ADGRV1: variants seen among roughly 807,000 people sequenced by gnomAD.
ADGRV1 encodes the protein adhesion G protein-coupled receptor V1.
A neutral mutation model predicts 596.2 loss-of-function variants in ADGRV1; 359 were observed. The observed-to-expected ratio is 0.60, with a 90% CI of 0.55 to 0.66. The LOEUF (loss-of-function observed/expected upper bound fraction) is 0.66, where lower values mean the gene tolerates loss of function less well. Among genes scored for constraint, ADGRV1 ranks in the 30% least tolerant of loss-of-function variants. The pLI is 0.00. For synonymous variants in ADGRV1, 2,681 were observed against 2,679.2 expected, an observed-to-expected ratio of 1.00 and a Z score of -0.02; for missense variants, 7,274 against 7,575.6, an observed-to-expected ratio of 0.96 and a Z score of 1.48.
At chr5:91,005,374 A>AT in intron 85 of ADGRV1, among the ~76,000 whole-genome samples, 1 of 146,922 alleles carries the variant, frequency 6.8e-6, no homozygotes, top group African/African-American at 2.6e-5. Context: ...GTATATATAT[A>AT]TATATTTTTT....
chr5:90,973,742 A>G (rs143154832), intron 84 of ADGRV1, among the ~76,000 whole-genome samples: 65 of 152,284 alleles, frequency 4.3e-4, no homozygotes, highest in Admixed American at 1.4e-3. Flanking sequence ...TACAACCAAT[A>G]TCATACTGAA....
chr5:91,031,159 A>C, intron 85 of ADGRV1: 1 of 1,418,616 alleles, frequency 7.0e-7, no homozygotes, highest in Non-Finnish European at 9.9e-7. Flanking sequence ...TATTAGAAAA[A>C]TAATTGTCCA....
chr5:91,142,956 C>T (rs1795218308), intron 87 of ADGRV1, among the ~76,000 whole-genome samples: 2 of 152,328 alleles, frequency 1.3e-5, no homozygotes, highest in South Asian at 2.1e-4. Flanking sequence ...ACGCTTGGCT[C>T]ATGCTACTGG....
chr5:90,618,248 C>G (rs1189157535), intron 3 of ADGRV1, among the ~76,000 whole-genome samples: 3 of 151,986 alleles, frequency 2.0e-5, no homozygotes, highest in Non-Finnish European at 4.4e-5. Context: ...TTCTTTTATT[C>G]CTCCCCTGCT....
rs748308138 is a variant in ADGRV1, at chr5:90,750,559, A to G, written c.10983A>G (p.Leu3661=). Residue 3661 remains leucine, a synonymous_variant, in exon 53 of 90, where the codon TTA becomes TTG. Transcript: ENST00000405460. Reference sequence around the variant, plus strand: ...TCTGTGTATTTTTTCAGAATTCATTATATAAGCAAGTGGAAGAAATGGAGC... The same window carrying G: ...TCTGTGTATTTTTTCAGAATTCATTGTATAAGCAAGTGGAAGAAATGGAGC... ...YGIVAFAQNS[L]YKQVEEMEQD... is the part of the protein sequence containing the mutation. The G allele has an allele frequency of 6.2e-6, 10 of 1,607,352 alleles. No homozygotes were observed. The highest frequency in any genetic ancestry group is 1.3e-5 in the African/African-American group (1 of 74,928).
chr5:90,670,300 A>C (rs1006024322), intron 21 of ADGRV1, among the ~76,000 whole-genome samples: 1 of 152,190 alleles, frequency 6.6e-6, no homozygotes, highest in Non-Finnish European at 1.5e-5. Flanking sequence ...CTAGTGCCCT[A>C]ATCAGAGGTG....
intron 83 of ADGRV1, among the ~76,000 whole-genome samples, chr5:90,915,319 AG>A (rs1435749748): frequency 3.3e-5 from 5 of 152,224 alleles, no homozygotes; most frequent in Admixed American, 2.6e-4. Flanking sequence ...TCTGGTTTAA[AG>A]GACTCTGATG....
At chr5:90,984,604 T>C (rs1780335916) in intron 84 of ADGRV1, among the ~76,000 whole-genome samples, 1 of 152,228 alleles carries the variant, frequency 6.6e-6, no homozygotes, top group South Asian at 2.1e-4. Context: ...CCCTTAATTA[T>C]TTGTGTCCCA....
At chr5:91,099,577 C>A (rs1274945997) in intron 86 of ADGRV1, among the ~76,000 whole-genome samples, 1 of 152,114 alleles carries the variant, frequency 6.6e-6, no homozygotes, top group Non-Finnish European at 1.5e-5. Context: ...TGGTTACATG[C>A]AGGGGAGTGG....
rs376656333 is a variant in ADGRV1, at chr5:90,841,028, G to A, written c.17019+43G>A. 1.2e-4 allele frequency: 161 copies of A among 1,391,252 alleles called. 5 individuals carry two copies. The South Asian group carries it at 3.1e-3, about 27-fold the overall frequency. 86.2% of individuals were successfully genotyped at this position (1,391,252 alleles called of 1,614,324 possible). Reference sequence around the variant, plus strand: ...TTAGTAATTTGTTTAGTGAAATTTTGTAAATTTAAAAACCCAAGTAAAACC... The same window carrying A: ...TTAGTAATTTGTTTAGTGAAATTTTATAAATTTAAAAACCCAAGTAAAACC... On this transcript the variant is annotated intron_variant, in intron 78 of 89. Coordinates refer to ENST00000405460, the MANE Select transcript of ADGRV1 (RefSeq NM_032119.4).
intron 42 of ADGRV1, among the ~76,000 whole-genome samples, chr5:90,715,442 C>T (rs993929334): frequency 6.6e-6 from 1 of 152,150 alleles, no homozygotes; most frequent in African/African-American, 2.4e-5. Flanking sequence ...TGTCCTTACT[C>T]CTGCATGGGC....
intron 85 of ADGRV1, among the ~76,000 whole-genome samples, chr5:91,027,180 C>CACACACACACAT (rs1310120092): frequency 6.6e-6 from 1 of 150,804 alleles, no homozygotes; most frequent in African/African-American, 2.5e-5. Flanking sequence ...CACACACACA[C>CACACACACACAT]ACACACACAC....
At chr5:91,038,502 A>C (rs1785084157) in intron 85 of ADGRV1, among the ~76,000 whole-genome samples, 2 of 151,914 alleles carry the variant, frequency 1.3e-5, no homozygotes, top group African/African-American at 2.4e-5. Flanking sequence ...AGAGAAATGA[A>C]TGGATTCAAA....
At chr5:90,814,629 TC>T (rs1762733259) in intron 74 of ADGRV1, among the ~76,000 whole-genome samples, 3 of 152,166 alleles carry the variant, frequency 2.0e-5, no homozygotes, top group Middle Eastern at 3.4e-3. Context: ...TTGCTGTCTC[TC>T]TCCTGCCACC....
chr5:91,034,348 T>C (rs1162692475), intron 85 of ADGRV1, among the ~76,000 whole-genome samples: 1 of 152,164 alleles, frequency 6.6e-6, no homozygotes, highest in Non-Finnish European at 1.5e-5. Flanking sequence ...TCTGCCTCAC[T>C]GGTTAGACTG....
chr5:90,798,012 A>G (rs111919324), intron 70 of ADGRV1, among the ~76,000 whole-genome samples: 36 of 152,308 alleles, frequency 2.4e-4, no homozygotes, highest in African/African-American at 8.4e-4. Flanking sequence ...CATCAAAATT[A>G]AAAGAACTAG....
At chr5:90,691,250 T>C in intron 31 of ADGRV1, 1 of 647,192 alleles carries the variant, frequency 1.5e-6, no homozygotes, top group Non-Finnish European at 2.7e-6. Context: ...GCCAGTTTAC[T>C]ACTATAAGAC....
chr5:91,114,877 C>T (rs1792715209), intron 87 of ADGRV1, among the ~76,000 whole-genome samples: 1 of 152,100 alleles, frequency 6.6e-6, no homozygotes, highest in African/African-American at 2.4e-5. Context: ...GAATCGTGGC[C>T]CCTCAAGTCT....
intron 1 of ADGRV1, among the ~76,000 whole-genome samples, chr5:90,592,746 C>A (rs58598764): frequency 0.18 from 27,753 of 151,808 alleles, 2,677 homozygotes; most frequent in East Asian, 0.4. Flanking sequence ...TAAACAAATT[C>A]ACAAGGAAAA....
Sources: allele counts gnomAD v4.1 joint callset (sites outside exome capture counted in the v4.1 genomes callset), GRCh38; gene constraint gnomAD v4.1.1; transcripts MANE v1.5; gene names NCBI Gene and HGNC (gene_info 2026-07-23, HGNC 2026-07-21).